UHRF1: variants seen among roughly 807,000 people sequenced by gnomAD.
UHRF1 encodes the protein E3 ubiquitin-protein ligase UHRF1.
Under a neutral mutation model 96.5 loss-of-function variants are expected in UHRF1, and 9 were observed. The ratio of observed to expected loss-of-function variants is 0.09; its 90% CI spans 0.06 to 0.16. The LOEUF is 0.16. UHRF1 is among the 10% of genes least tolerant of loss of function. The pLI is 1.00. For missense variants in UHRF1, 626 were observed against 1,131.1 expected, an observed-to-expected ratio of 0.55 and a Z score of 6.40; for synonymous variants, 455 against 469.9, an observed-to-expected ratio of 0.97 and a Z score of 0.41.
chr19:4,928,950 C>T (rs1437421375), intron 2 of UHRF1, among the ~76,000 whole-genome samples: 4 of 152,204 alleles, frequency 2.6e-5, no homozygotes, highest in East Asian at 3.9e-4. Context: ...CGTGGTGCCC[C>T]GTGATGATGT....
chr19:4,938,876 T>C (rs2033299268), intron 5 of UHRF1, among the ~76,000 whole-genome samples: 1 of 150,782 alleles, frequency 6.6e-6, no homozygotes, highest in South Asian at 2.1e-4. Context: ...CCCACGTAGC[T>C]GGGACCATAG....
chr19:4,904,901 A>G (rs926319732), upstream of UHRF1, among the ~76,000 whole-genome samples: 1 of 152,132 alleles, frequency 6.6e-6, no homozygotes, highest in Non-Finnish European at 1.5e-5. Context: ...AGGGAGGGAC[A>G]TTGAATCATA....
chr19:4,960,527 G>A lies in UHRF1; in HGVS notation c.2236-130G>A, dbSNP rs925619935. On this transcript the variant is annotated intron_variant, in intron 16 of 16. Transcript: ENST00000650932. ...GCCAGGCTGGTGATGGGCAGCAGGT[G>A]GAAAGTGAGACTGAAGGTCAGAGGG... 8.5e-5 allele frequency: 112 copies of A among 1,324,042 alleles called. 1 individual carries two copies. In the South Asian group the frequency reaches 1.4e-3, roughly 17 times the overall value. 82.0% of individuals were successfully genotyped at this position (1,324,042 alleles called of 1,614,324 possible).
intron 10 of UHRF1, among the ~76,000 whole-genome samples, chr19:4,946,503 CCCCGTTTT>C (rs2033569413): frequency 6.6e-6 from 1 of 152,088 alleles, no homozygotes; most frequent in South Asian, 2.1e-4. Context: ...TATCTCCAGC[CCCCGTTTT>C]CCATTCTTTT....
chr19:4,952,835 G>A (rs916436906), intron 13 of UHRF1, among the ~76,000 whole-genome samples: 2 of 152,108 alleles, frequency 1.3e-5, no homozygotes, highest in African/African-American at 4.8e-5. Context: ...GAGAGGGCCC[G>A]AGTCCTCAGA....
At chr19:4,943,133 G>A (rs1310660638) in intron 7 of UHRF1, among the ~76,000 whole-genome samples, 2 of 151,932 alleles carry the variant, frequency 1.3e-5, no homozygotes, top group African/African-American at 4.8e-5. Context: ...CCAGCTACTC[G>A]GGAGGCTGAG....
intron 2 of UHRF1, among the ~76,000 whole-genome samples, chr19:4,916,480 G>A (rs571352852): frequency 2.6e-4 from 39 of 152,182 alleles, no homozygotes; most frequent in African/African-American, 9.2e-4. Flanking sequence ...GACAGTGATC[G>A]TGGTGTCTTT....
chr19:4,936,667 C>T (rs1003242844), intron 5 of UHRF1, among the ~76,000 whole-genome samples: 3 of 151,982 alleles, frequency 2.0e-5, no homozygotes, highest in African/African-American at 2.4e-5. Context: ...GATGGCTAGG[C>T]GCAGTGGCTC....
chr19:4,956,266 T>C (rs1301009024), intron 15 of UHRF1, among the ~76,000 whole-genome samples: 1 of 152,206 alleles, frequency 6.6e-6, no homozygotes, highest in Non-Finnish European at 1.5e-5. Context: ...GGGGTCTCAC[T>C]GTATTGCCGG....
chr19:4,905,973 T>G (rs2032057190), upstream of UHRF1, among the ~76,000 whole-genome samples: 1 of 152,184 alleles, frequency 6.6e-6, no homozygotes, highest in African/African-American at 2.4e-5. Context: ...ATGATTAACT[T>G]GAGCAATTAT....
upstream of UHRF1, chr19:4,909,423 G>A (rs1010811758): frequency 4.6e-6 from 3 of 651,986 alleles, no homozygotes; most frequent in South Asian, 3.2e-5. Context: ...GGCCAATCAG[G>A]AGGCAGGCGC....
rs755931642 is a variant in UHRF1 at position 4,954,418 on chromosome 19, G to A, written c.1887G>A (p.Glu629=). 3 of 1,613,902 alleles carry A rather than the reference G, an allele frequency of 1.9e-6. No individual in the cohort carries two copies. Among genetic ancestry groups the A allele is most frequent in the East Asian group, 4.5e-5 (2 of 44,870 alleles). ...AGAAGGAGAACAGCAAGAGGGAGGAGGAGGAGCAGCAGGAGGGGGGCTTCG... is the reference window on the plus strand; with the variant it reads ...AGAAGGAGAACAGCAAGAGGGAGGAAGAGGAGCAGCAGGAGGGGGGCTTCG... ...EREKENSKRE[E]EEQQEGGFAS... The change falls in exon 14 of 17, where the codon GAG becomes GAA. Residue 629 remains glutamate, a synonymous_variant. Transcript: ENST00000650932. The surrounding 1 kb of genome is among the most constrained non-coding windows in gnomAD (Gnocchi z 5.9).
intron 11 of UHRF1, among the ~76,000 whole-genome samples, chr19:4,950,036 AT>A (rs35941264): frequency 0.23 from 31,826 of 136,242 alleles, 3,739 homozygotes; most frequent in African/African-American, 0.34. Context: ...ACGCCTGGCT[AT>A]TTTTTTTTTT....
chr19:4,946,433 T>C (rs113588566), intron 10 of UHRF1, among the ~76,000 whole-genome samples: 22 of 152,186 alleles, frequency 1.4e-4, no homozygotes, highest in African/African-American at 5.3e-4. Flanking sequence ...CCGTGGGCAC[T>C]GGGGTTCCTT....
chr19:4,941,681 G>A (rs1391002223), intron 6 of UHRF1, 53 bp downstream of exon 6: 5 of 1,578,044 alleles, frequency 3.2e-6, no homozygotes, highest in Non-Finnish European at 4.3e-6. Context: ...CGGGGCGGGG[G>A]CTCTTGTCCC....
At chr19:4,940,819 C>T (rs538391703) in intron 5 of UHRF1, among the ~76,000 whole-genome samples, 4 of 151,810 alleles carry the variant, frequency 2.6e-5, no homozygotes, top group Non-Finnish European at 5.9e-5. Context: ...ATTACAGGTG[C>T]GCGCTACCAT....
At chr19:4,928,070 C>T (rs1185849409) in intron 2 of UHRF1, among the ~76,000 whole-genome samples, 1 of 152,122 alleles carries the variant, frequency 6.6e-6, no homozygotes, top group Non-Finnish European at 1.5e-5. Flanking sequence ...CTGTGGAATC[C>T]TTCACCAGGG....
intron 13 of UHRF1, among the ~76,000 whole-genome samples, chr19:4,952,132 G>C (rs182346267): frequency 6.6e-6 from 1 of 152,020 alleles, no homozygotes; most frequent in Admixed American, 6.6e-5. Flanking sequence ...TTGCTCTGTC[G>C]CCCAGGCTGG....
chr19:4,957,308 T>G (rs1390646840), intron 16 of UHRF1, among the ~76,000 whole-genome samples: 1 of 136,954 alleles, frequency 7.3e-6, no homozygotes, highest in African/African-American at 2.8e-5. Flanking sequence ...TTTTTTTTTT[T>G]TTTTTTTTTT....
Sources: gnomAD v4.1 joint callset for allele counts (sites outside exome capture counted in the v4.1 genomes callset) on GRCh38, gnomAD v4.1.1 for gene constraint, Gnocchi (gnomAD v3.1) non-coding constraint, MANE v1.5 for transcripts, NCBI Gene and HGNC (gene_info 2026-07-23, HGNC 2026-07-21) for gene names.